The following TERT variants were observed in gnomAD, a reference collection of about 807,000 sequenced individuals.
The protein encoded by TERT is telomerase catalytic subunit.
In TERT, 42 loss-of-function variants were observed where a neutral mutation model predicts 104.0. The ratio of observed to expected loss-of-function variants is 0.40; its 90% CI spans 0.32 to 0.52. The LOEUF (loss-of-function observed/expected upper bound fraction) is 0.52, where lower values mean the gene tolerates loss of function less well. Among genes scored for constraint, TERT ranks in the 20% least tolerant of loss-of-function variants. The pLI is 0.43. For synonymous variants in TERT, 781 were observed against 725.6 expected, an observed-to-expected ratio of 1.08 and a Z score of -1.23; for missense variants, 1,101 against 1,610.3, an observed-to-expected ratio of 0.68 and a Z score of 5.41.
In TERT at chr5:1,253,336, C is replaced by T; in HGVS notation, c.*392G>A. 1 of 417,638 alleles carries T rather than the reference C, an allele frequency of 2.4e-6. No homozygotes were observed. The highest frequency in any genetic ancestry group is 2.7e-5 in the South Asian group (1 of 37,410). The allele number at this position is 417,638 out of a possible 1,614,324, so 25.9% of individuals were successfully genotyped here. A position where few individuals can be genotyped will look rare whatever the true frequency, so the allele number is the denominator to read the frequency against. ...GCTCCCAGGGTCCTTCTCAGGGTCT[C>T]CACCTGGATGGTGGGGGTGGAAGGC... On this transcript the variant is annotated 3_prime_UTR_variant, in exon 16 of 16. Coordinates refer to ENST00000310581, the MANE Select transcript of TERT (RefSeq NM_198253.3).
At chr5:1,267,502 A>G (rs1748693717) in intron 9 of TERT, among the ~76,000 whole-genome samples, 2 of 152,240 alleles carry the variant, frequency 1.3e-5, no homozygotes, top group Admixed American at 1.3e-4. Flanking sequence ...CCAAAGGATT[A>G]TAAATCATGC....
rs948741929 is a variant in TERT at position 1,260,745 on chromosome 5, G to T, written c.2844-145C>A. ...GCGCTGCAGCCCGAGGGGGCTGGGT[G>T]CTCACTCCATGGACTCCAAATGCTA... On this transcript the variant is annotated intron_variant, in intron 11 of 15. Transcript: ENST00000310581. 6.0e-6 allele frequency: 7 copies of T among 1,164,844 alleles called. No homozygotes were observed. In the African/African-American group the frequency reaches 1.1e-4, roughly 18 times the overall value. 72.2% of individuals were successfully genotyped at this position (1,164,844 alleles called of 1,614,324 possible). A position where few individuals can be genotyped will look rare whatever the true frequency, so the allele number is the denominator to read the frequency against.
Position 1,270,997 on chromosome 5 carries a change from A to G in TERT, c.2468+122T>C. 2 of 789,646 alleles carry G rather than the reference A, an allele frequency of 2.5e-6. No homozygotes were observed. The highest frequency in any genetic ancestry group is 4.2e-6 in the Non-Finnish European group (2 of 474,276). The allele number at this position is 789,646 out of a possible 1,614,324, so 48.9% of individuals were successfully genotyped here. A position where few individuals can be genotyped will look rare whatever the true frequency, so the allele number is the denominator to read the frequency against. ...GAGCCGGAGGGGGCGGGGGCCAGAA[A>G]AGGAGACTCTGGTGGCCCCGGGCAG... On this transcript the variant is annotated intron_variant, in intron 8 of 15. Transcript: ENST00000310581. The surrounding 1 kb of genome is among the most constrained non-coding windows in gnomAD (Gnocchi z 8.3).
In TERT at chr5:1,264,503, C is replaced by T. The variant is rs202033269; in HGVS notation, c.2744G>A (p.Gly915Asp). Residue 915 changes from glycine (G) to aspartate (D), a missense_variant, in exon 11 of 16, where the codon GGT becomes GAT. Transcript: ENST00000310581. ...VNFPVEDEALGGTAFVQMPAH... is the reference protein window; with the variant it reads ...VNFPVEDEALDGTAFVQMPAH... ...CGGCATCTGAACAAAAGCCGTGCCA[C>T]CCAGGGCCTCGTCTTCTACAGGGAA... The T allele has an allele frequency of 2.2e-5, 36 of 1,614,010 alleles. No individual in the cohort carries two copies. The highest frequency in any genetic ancestry group is 1.7e-4 in the Admixed American group (10 of 60,036).
At chr5:1,259,846 G>GA (rs1748089959) in intron 12 of TERT, among the ~76,000 whole-genome samples, 1 of 146,584 alleles carries the variant, frequency 6.8e-6, no homozygotes, top group Non-Finnish European at 1.5e-5. Flanking sequence ...ACGCCCACAG[G>GA]AGGGGGGAGT....
At chr5:1,281,130 T>G (rs556950991) in intron 3 of TERT, among the ~76,000 whole-genome samples, 1 of 152,276 alleles carries the variant, frequency 6.6e-6, no homozygotes, top group South Asian at 2.1e-4. Context: ...TGTCTGCTCC[T>G]TCCGGTCACC....
At chr5:1,266,873 T>C (rs557260423) in intron 9 of TERT, among the ~76,000 whole-genome samples, 1 of 152,266 alleles carries the variant, frequency 6.6e-6, no homozygotes, top group East Asian at 1.9e-4. Flanking sequence ...GCTGGGAACC[T>C]CGCCCCCTCT....
In TERT at chr5:1,264,000, A is replaced by G. The variant is rs1220668156; in HGVS notation, c.2843+404T>C. The stretch of plus-strand genomic sequence containing the variant: ...GGCCCTGAAGTCTCTGGGTTCGGAG[A>G]GACTCACGCCCAGCAGGGCCCCAGG... On this transcript the variant is annotated intron_variant, in intron 11 of 15. Coordinates refer to ENST00000310581, the MANE Select transcript of TERT (RefSeq NM_198253.3). This position sits in a 1 kb window ranked among gnomAD's most constrained non-coding sequence, Gnocchi z 5.3. Among the ~76,000 whole-genome samples, 1 of 151,104 alleles carries G rather than the reference A, an allele frequency of 6.6e-6. No individual in the cohort carries two copies. Among genetic ancestry groups the G allele is most frequent in the Non-Finnish European group, 1.5e-5 (1 of 67,946 alleles).
Position 1,253,704 on chromosome 5 carries a change from G to T in TERT, c.*24C>A. On this transcript the variant is annotated 3_prime_UTR_variant, in exon 16 of 16. Transcript: ENST00000310581. ...GACAGGGCTGCTGGTGTCTGCTCTC[G>T]GCCTGGCTGTGGGCGGGTGGCCATC... 1 of 1,592,806 alleles carries T rather than the reference G, an allele frequency of 6.3e-7. No homozygotes were observed. The highest frequency in any genetic ancestry group is 8.6e-7 in the Non-Finnish European group (1 of 1,166,716).
At position 1,294,184 on chromosome 5, in the gene TERT, C is replaced by T. The variant is rs754359147; in HGVS notation, c.702G>A (p.Leu234=). Reference sequence around the variant, plus strand: ...CAGCGCCACGCCTGGGCCTCTTGGGCAACGGCAGACTTCGGCTGGCACTGC... The same window carrying T: ...CAGCGCCACGCCTGGGCCTCTTGGGTAACGGCAGACTTCGGCTGGCACTGC... The part of the protein sequence containing the change: ...RGGSASRSLP[L]PKRPRRGAAP... The change falls in exon 2 of 16, where the codon TTG becomes TTA. Residue 234 remains leucine (L), a synonymous_variant. Transcript: ENST00000310581. The T allele has an allele frequency of 2.5e-6, 4 of 1,582,692 alleles. No individual in the cohort carries two copies. Among genetic ancestry groups the T allele is most frequent in the South Asian group, 1.1e-5 (1 of 88,594 alleles).
In TERT at chr5:1,264,671, T is replaced by C; in HGVS notation, c.2655-79A>G. 3 of 1,537,580 alleles carry C rather than the reference T, an allele frequency of 2.0e-6. No individual in the cohort carries two copies. The South Asian group carries it at 3.4e-5, about 17-fold the overall frequency. On this transcript the variant is annotated intron_variant, in intron 10 of 15. Coordinates refer to ENST00000310581, the MANE Select transcript of TERT (RefSeq NM_198253.3). ...TAACCTGACACCCTTGTTAAATGCTTTGGAAAACCCCAGAGAAGTGGTGAT... is the reference window on the plus strand; with the variant it reads ...TAACCTGACACCCTTGTTAAATGCTCTGGAAAACCCCAGAGAAGTGGTGAT...
At chr5:1,258,485 G>GGCA (rs1747914197) in intron 13 of TERT, 113 bp downstream of exon 13, 4 of 947,550 alleles carry the variant, frequency 4.2e-6, no homozygotes, top group Non-Finnish European at 5.0e-6. Context: ...GAAAACGTAA[G>GGCA]ACATTCCTTG....
At chr5:1,271,428 G>A (rs1025253490) in intron 7 of TERT, among the ~76,000 whole-genome samples, 1 of 152,242 alleles carries the variant, frequency 6.6e-6, no homozygotes, top group Non-Finnish European at 1.5e-5. Context: ...TGGGCCACCT[G>A]TGGGTCCAGC....
At position 1,253,683 on chromosome 5, in the gene TERT, G is replaced by C. The variant is rs1373880998; in HGVS notation, c.*45C>G. On this transcript the variant is annotated 3_prime_UTR_variant, in exon 16 of 16. Coordinates refer to ENST00000310581, the MANE Select transcript of TERT (RefSeq NM_198253.3). Reference sequence around the variant, plus strand: ...CTGGGACGTAGAGCCCGGCGTGACAGGGCTGCTGGTGTCTGCTCTCGGCCT... The same window carrying C: ...CTGGGACGTAGAGCCCGGCGTGACACGGCTGCTGGTGTCTGCTCTCGGCCT... 15 of 1,540,742 alleles carry C rather than the reference G, an allele frequency of 9.7e-6. No individual in the cohort carries two copies. The highest frequency in any genetic ancestry group is 1.4e-5 in the African/African-American group (1 of 73,780).
chr5:1,286,055 C>A lies in TERT; in HGVS notation c.1574-3431G>T, dbSNP rs1207834181. 3.9e-5 allele frequency among the ~76,000 whole-genome samples: 6 copies of A among 152,104 alleles called. No individual in the cohort carries two copies. On this transcript the variant is annotated intron_variant, in intron 2 of 15. Transcript: ENST00000310581. This position sits in a 1 kb window ranked among gnomAD's most constrained non-coding sequence, Gnocchi z 5.3. ...GATTTCAAACTCGACACCGCGGAGC[C>A]ACCAGACCCCGACATGCCTGGGGTT...
chr5:1,290,554 G>A (rs374129865), intron 2 of TERT, among the ~76,000 whole-genome samples: 2,499 of 12,778 alleles, frequency 0.2, 3 homozygotes, highest in East Asian at 0.24. Flanking sequence ...ACCCGGGGAC[G>A]GTGCCTCACT....
chr5:1,267,575 C>G (rs143515966), intron 9 of TERT, among the ~76,000 whole-genome samples: 52 of 152,320 alleles, frequency 3.4e-4, no homozygotes, highest in Admixed American at 1.8e-3. Context: ...CAAAGACTTG[C>G]AACCAACCCA....
intron 9 of TERT, among the ~76,000 whole-genome samples, chr5:1,267,408 T>C (rs989346123): frequency 2.6e-5 from 4 of 152,220 alleles, no homozygotes; most frequent in Admixed American, 1.3e-4. Flanking sequence ...AGTTCAACCA[T>C]TGTGGAAGAC....
rs1747850053 is a variant in TERT at position 1,257,691 on chromosome 5, A to G, written c.3032+907T>C. Among the ~76,000 whole-genome samples, 1 of 152,202 alleles carries G rather than the reference A, an allele frequency of 6.6e-6. No individual in the cohort carries two copies. Among genetic ancestry groups the G allele is most frequent in the Admixed American group, 6.5e-5 (1 of 15,284 alleles). On this transcript the variant is annotated intron_variant, in intron 13 of 15. Coordinates refer to ENST00000310581, the MANE Select transcript of TERT (RefSeq NM_198253.3). This position sits in a 1 kb window ranked among gnomAD's most constrained non-coding sequence, Gnocchi z 5.6. ...AGCACTCGGGTTAAAAACCATTTTC[A>G]TGGTACGACCTTGTAATGGAAAACT...
Sources: gnomAD v4.1 joint callset for allele counts (sites outside exome capture counted in the v4.1 genomes callset) on GRCh38, gnomAD v4.1.1 for gene constraint, Gnocchi (gnomAD v3.1) non-coding constraint, MANE v1.5 for transcripts, NCBI Gene and HGNC (gene_info 2026-07-23, HGNC 2026-07-21) for gene names.